CARM1: variants seen among roughly 807,000 people sequenced by gnomAD.
CARM1 encodes the protein histone-arginine methyltransferase CARM1.
In CARM1, 14 loss-of-function variants were observed where a neutral mutation model predicts 72.7. The observed-to-expected ratio is 0.19, with a 90% confidence interval of 0.13 to 0.30. The LOEUF is 0.30. CARM1 is among the 10% of genes least tolerant of loss of function. CARM1 has a pLI of 1.00. For synonymous variants in CARM1, 333 were observed against 345.5 expected, an observed-to-expected ratio of 0.96 and a Z score of 0.40; for missense variants, 432 against 833.7, an observed-to-expected ratio of 0.52 and a Z score of 5.93.
intron 1 of CARM1, among the ~76,000 whole-genome samples, chr19:10,881,431 TG>T (rs1308260730): frequency 6.6e-6 from 1 of 152,020 alleles, no homozygotes; most frequent in Non-Finnish European, 1.5e-5. Context: ...GGTAAGGGAT[TG>T]GGGGCTCTCT....
Position 10,916,764 on chromosome 19 carries a change from G to A in CARM1, c.1007G>A (p.Arg336Gln). ...GGTGCCGCGGTGGATGAGTATTTCC[G>A]GCAGCCTGTGGTGGTGAGTAGGGCC... Reference protein sequence around the residue: ...LRGAAVDEYFRQPVVDTFDIR... With the variant: ...LRGAAVDEYFQQPVVDTFDIR... The change falls in exon 8 of 16, where the codon CGG (arginine) becomes CAG (glutamine). Residue 336 changes from arginine (R) to glutamine (Q), a missense_variant. Physicochemically the swap from Arg to Gln is conservative, Grantham distance 43. Coordinates refer to ENST00000327064, the MANE Select transcript of CARM1 (RefSeq NM_199141.2). The surrounding 1 kb of genome is among the most constrained non-coding windows in gnomAD (Gnocchi z 4.4). 3 of 1,550,480 alleles carry A rather than the reference G, an allele frequency of 1.9e-6. No homozygotes were observed. Among genetic ancestry groups the A allele is most frequent in the Non-Finnish European group, 2.6e-6 (3 of 1,146,574 alleles).
chr19:10,914,102 G>A, intron 6 of CARM1, 48 bp downstream of exon 6: 1 of 1,539,656 alleles, frequency 6.5e-7, no homozygotes, highest in Non-Finnish European at 8.8e-7. Flanking sequence ...GGAGGCCCTG[G>A]CTGCCGCTGA....
chr19:10,889,973 A>G lies in CARM1; in HGVS notation c.221-14978A>G, dbSNP rs541185681. Among the ~76,000 whole-genome samples, 14 of 152,330 alleles carry G rather than the reference A, an allele frequency of 9.2e-5. No individual in the cohort carries two copies. In the East Asian group the frequency reaches 2.3e-3, roughly 25 times the overall value. ...TAAATGGCCTGAAAAGCTAACCTGT[A>G]ACCTGTAAAGCTTAAACTTTACAGG... On this transcript the variant is annotated intron_variant, in intron 1 of 15. Transcript: ENST00000327064.
chr19:10,880,543 A>G (rs1484788813), intron 1 of CARM1, among the ~76,000 whole-genome samples: 1 of 140,308 alleles, frequency 7.1e-6, no homozygotes, highest in African/African-American at 2.7e-5. Flanking sequence ...TTGTAGAGAC[A>G]GGGTCTCACT....
Position 10,912,355 on chromosome 19 carries a change from C to T in CARM1, c.669+61C>T, listed in dbSNP as rs113737129. ...TCGCCCATGAGTGCCATGCCGGCCCCAGCCTAGAGAAGCTTGGGAACCCCC... is the reference window on the plus strand; with the variant it reads ...TCGCCCATGAGTGCCATGCCGGCCCTAGCCTAGAGAAGCTTGGGAACCCCC... On this transcript the variant is annotated intron_variant, in intron 5 of 15. Coordinates refer to ENST00000327064, the MANE Select transcript of CARM1 (RefSeq NM_199141.2). The surrounding 1 kb of genome is among the most constrained non-coding windows in gnomAD (Gnocchi z 4.5). 3.6e-3 allele frequency: 4,665 copies of T among 1,295,430 alleles called. 142 individuals are homozygous for T. In the African/African-American group the frequency reaches 0.06, roughly 17 times the overall value. The allele number at this position is 1,295,430 out of a possible 1,614,324, so 80.2% of individuals were successfully genotyped here.
At position 10,921,804 on chromosome 19, in the gene CARM1, C is replaced by T. The variant is rs1417197941; in HGVS notation, c.*47C>T. On this transcript the variant is annotated 3_prime_UTR_variant, in exon 16 of 16. Coordinates refer to ENST00000327064, the MANE Select transcript of CARM1 (RefSeq NM_199141.2). ...AGCACCAGGAAACCAAATGATGTCC[C>T]TGCCCGCCGCCCCCGCCGGGCGGCT... The T allele has an allele frequency of 2.0e-6, 3 of 1,536,522 alleles. No homozygotes were observed. The highest frequency in any genetic ancestry group is 2.6e-6 in the Non-Finnish European group (3 of 1,136,568).
chr19:10,874,632 TCCTC>T (rs2073849326), intron 1 of CARM1, among the ~76,000 whole-genome samples: 1 of 152,120 alleles, frequency 6.6e-6, no homozygotes, highest in Admixed American at 6.6e-5. Context: ...GCTCAAGTGA[TCCTC>T]CCTCCTTGGC....
intron 2 of CARM1, among the ~76,000 whole-genome samples, chr19:10,906,618 G>C (rs2074106125): frequency 6.6e-6 from 1 of 151,940 alleles, no homozygotes; most frequent in Non-Finnish European, 1.5e-5. Flanking sequence ...ACGTGCCACT[G>C]TACCCAGATA....
rs1453113619 is a variant in CARM1, at chr19:10,916,863, T to C, written c.1020+86T>C. ...AGCCCTCAGGAAGCTACAGCCCCTC[T>C]CTGAGCCCTCTCCTCTGCCCTGCAC... On this transcript the variant is annotated intron_variant, in intron 8 of 15. Coordinates refer to ENST00000327064, the MANE Select transcript of CARM1 (RefSeq NM_199141.2). This position sits in a 1 kb window ranked among gnomAD's most constrained non-coding sequence, Gnocchi z 4.4. 3.0e-6 allele frequency: 3 copies of C among 1,002,238 alleles called. No homozygotes were observed. The highest frequency in any genetic ancestry group is 5.2e-5 in the East Asian group (2 of 38,150). The allele number at this position is 1,002,238 out of a possible 1,614,324, so 62.1% of individuals were successfully genotyped here. A position where few individuals can be genotyped will look rare whatever the true frequency, so the allele number is the denominator to read the frequency against.
At chr19:10,891,392 C>T (rs1396071287) in intron 1 of CARM1, among the ~76,000 whole-genome samples, 1 of 152,148 alleles carries the variant, frequency 6.6e-6, no homozygotes, top group African/African-American at 2.4e-5. Flanking sequence ...GTTTGGGAGG[C>T]CTCCCTTGCT....
intron 1 of CARM1, among the ~76,000 whole-genome samples, chr19:10,883,014 G>A (rs1198928748): frequency 1.3e-5 from 2 of 152,010 alleles, no homozygotes; most frequent in Non-Finnish European, 2.9e-5. Context: ...CCTGCAGGGT[G>A]TCTGTGGTCA....
intron 1 of CARM1, 149 bp from the exon 2 acceptor site, chr19:10,904,802 C>A: frequency 1.0e-6 from 1 of 982,094 alleles, no homozygotes; most frequent in Non-Finnish European, 1.5e-6. Context: ...AGTCAGGGCA[C>A]CCGGCAATGC....
chr19:10,917,595 G>C (rs143922217), intron 8 of CARM1, among the ~76,000 whole-genome samples: 2,429 of 152,146 alleles, frequency 0.016, 34 homozygotes, highest in Middle Eastern at 0.031. Flanking sequence ...CACTACGTCT[G>C]CCCCATTCTT....
Position 10,912,918 on chromosome 19 carries a change from G to C in CARM1, c.669+624G>C, listed in dbSNP as rs543869263. On this transcript the variant is annotated intron_variant, in intron 5 of 15. Transcript: ENST00000327064. This position sits in a 1 kb window ranked among gnomAD's most constrained non-coding sequence, Gnocchi z 4.5. ...TGTCCTGAGCCCCTCTCCCACATGCGGTTGTGTCTGTAGGACACACCCTAG... is the reference window on the plus strand; with the variant it reads ...TGTCCTGAGCCCCTCTCCCACATGCCGTTGTGTCTGTAGGACACACCCTAG... Among the ~76,000 whole-genome samples, 1 of 152,176 alleles carries C rather than the reference G, an allele frequency of 6.6e-6. No homozygotes were observed. Among genetic ancestry groups the C allele is most frequent in the South Asian group, 2.1e-4 (1 of 4,834 alleles).
In CARM1 at chr19:10,871,855, G is replaced by C; in HGVS notation, c.153G>C (p.Ala51=). The C allele has an allele frequency of 7.7e-7, 1 of 1,291,706 alleles. No homozygotes were observed. Among genetic ancestry groups the C allele is most frequent in the South Asian group, 2.0e-5 (1 of 49,644 alleles). The allele number at this position is 1,291,706 out of a possible 1,614,324, so 80.0% of individuals were successfully genotyped here. The change falls in exon 1 of 16, where the codon GCG becomes GCC. Residue 51 remains alanine (A), a synonymous_variant. Coordinates refer to ENST00000327064, the MANE Select transcript of CARM1 (RefSeq NM_199141.2). This position sits in a 1 kb window ranked among gnomAD's most constrained non-coding sequence, Gnocchi z 5.6. ...CGAACGGCGAGATCCAGCGGCACGC[G>C]GAGCAGCAGGCGCTGCGCCTCGAGG... ...GDANGEIQRH[A]EQQALRLEVR...
At chr19:10,900,310 T>C (rs147511737) in intron 1 of CARM1, among the ~76,000 whole-genome samples, 1 of 152,336 alleles carries the variant, frequency 6.6e-6, no homozygotes, top group Non-Finnish European at 1.5e-5. Flanking sequence ...CACCTCTATC[T>C]ACTCCCAAAA....
chr19:10,909,148 G>T lies in CARM1; in HGVS notation c.499G>T (p.Val167Leu), dbSNP rs745964402. 9.9e-6 allele frequency: 16 copies of T among 1,613,732 alleles called. No individual in the cohort carries two copies. Among genetic ancestry groups the T allele is most frequent in the Non-Finnish European group, 1.4e-5 (16 of 1,179,880 alleles). The change falls in exon 4 of 16, where the codon GTG (valine) becomes TTG (leucine). Residue 167 changes from valine to leucine, a missense_variant. By Grantham distance (32) the Val-to-Leu change is conservative. Around this residue, in one of 3 missense-constraint regions of CARM1, gnomAD observed 152 missense variants for 452.8 expected, o/e 0.34. Transcript: ENST00000327064. ...SQQQNMMQDYVRTGTYQRAIL... is the reference protein window; with the variant it reads ...SQQQNMMQDYLRTGTYQRAIL... The stretch of plus-strand genomic sequence containing the variant: ...GCAGCAGAACATGATGCAGGACTAC[G>T]TGCGGACAGGCACCTACCAGCGCGC...
chr19:10,921,010 C>G, intron 13 of CARM1, 40 bp from the exon 14 acceptor site: 1 of 1,611,854 alleles, frequency 6.2e-7, no homozygotes, highest in Non-Finnish European at 8.5e-7. Context: ...AGGCCTGGCC[C>G]CTCTGCCTCC....
chr19:10,878,123 T>C (rs1464601289), intron 1 of CARM1, among the ~76,000 whole-genome samples: 1 of 152,116 alleles, frequency 6.6e-6, no homozygotes, highest in African/African-American at 2.4e-5. Context: ...GGGATTATAG[T>C]CACGAACCGC....
Sources: gnomAD v4.1 joint callset for allele counts (sites outside exome capture counted in the v4.1 genomes callset) on GRCh38, gnomAD v4.1.1 for gene constraint, gnomAD v4.1.1 regional missense constraint, Gnocchi (gnomAD v3.1) non-coding constraint, MANE v1.5 for transcripts, NCBI Gene and HGNC (gene_info 2026-07-23, HGNC 2026-07-21) for gene names.